SKAP2: variants seen among roughly 807,000 people sequenced by gnomAD.
The protein encoded by SKAP2 is src kinase-associated phosphoprotein 2.
A neutral mutation model predicts 54.9 loss-of-function variants in SKAP2; 28 were observed. That is an observed-to-expected ratio of 0.51 (90% confidence interval 0.38 to 0.70). SKAP2 has a LOEUF of 0.70. SKAP2 is among the 30% of genes least tolerant of loss of function. SKAP2 has a pLI of 0.00. For missense variants in SKAP2, 356 were observed against 424.1 expected (o/e 0.84, Z 1.41); for synonymous variants, 137 against 134.3 (o/e 1.02, Z -0.14).
At chr7:26,750,161 C>T (rs975740811) in intron 4 of SKAP2, among the ~76,000 whole-genome samples, 2 of 151,970 alleles carry the variant, frequency 1.3e-5, no homozygotes, top group African/African-American at 2.4e-5. Context: ...CTATAGAAAC[C>T]GTGTCAGACA....
intron 9 of SKAP2, 27 bp from the exon 10 acceptor site, chr7:26,690,389 A>G: frequency 2.0e-6 from 3 of 1,496,156 alleles, no homozygotes; most frequent in East Asian, 2.3e-5. Context: ...TCAATGGCAC[A>G]TTGAAGGGTT....
the SKAP2 span, among the ~76,000 whole-genome samples, chr7:26,654,976 T>C: frequency 6.6e-6 from 1 of 152,188 alleles, no homozygotes; most frequent in Non-Finnish European, 1.5e-5. Context: ...TCCCCAGGTG[T>C]ATCAGATGGC....
intron 4 of SKAP2, among the ~76,000 whole-genome samples, chr7:26,745,841 T>C (rs1401540054): frequency 4.6e-5 from 7 of 152,044 alleles, no homozygotes; most frequent in Admixed American, 4.6e-4. Context: ...AAAAAAAGTA[T>C]TTACCCACTT....
intron 4 of SKAP2, among the ~76,000 whole-genome samples, chr7:26,744,539 G>T (rs1211619821): frequency 6.6e-6 from 1 of 152,124 alleles, no homozygotes; most frequent in Non-Finnish European, 1.5e-5. Flanking sequence ...AGAGTTGGGG[G>T]AGAGAGAGAA....
the SKAP2 span, among the ~76,000 whole-genome samples, chr7:26,656,940 A>ATATTTAG: frequency 6.6e-6 from 1 of 152,204 alleles, no homozygotes; most frequent in Non-Finnish European, 1.5e-5. Flanking sequence ...AGAGTGAATA[A>ATATTTAG]TATTTAGATC....
intron 9 of SKAP2, among the ~76,000 whole-genome samples, chr7:26,709,855 T>C (rs1787258605): frequency 6.6e-6 from 1 of 152,158 alleles, no homozygotes; most frequent in African/African-American, 2.4e-5. Flanking sequence ...GTAGATGATT[T>C]ATCTTTAATG....
rs569745826 is a variant in SKAP2 at position 26,828,791 on chromosome 7, C to T, written c.307+15239G>A. On this transcript the variant is annotated intron_variant, in intron 4 of 12. Transcript: ENST00000345317. ...CCTGTAATCCCAGCACTTTAGGAGG[C>T]CGGGGTGGGCAGATCACCTGAGATC... is the stretch of plus-strand genomic sequence containing the variant. 1.8e-3 allele frequency among the ~76,000 whole-genome samples: 274 copies of T among 151,774 alleles called. 2 individuals are homozygous for T. The highest frequency in any genetic ancestry group is 5.9e-4 in the East Asian group (3 of 5,126).
At chr7:26,723,704 T>A (rs1038394858) in intron 9 of SKAP2, among the ~76,000 whole-genome samples, 2 of 151,566 alleles carry the variant, frequency 1.3e-5, no homozygotes, top group Non-Finnish European at 2.9e-5. Context: ...CCTGATCAAT[T>A]TTTTTTTTCT....
chr7:26,752,213 G>A (rs1281371108), intron 4 of SKAP2, among the ~76,000 whole-genome samples: 1 of 151,992 alleles, frequency 6.6e-6, no homozygotes, highest in Non-Finnish European at 1.5e-5. Flanking sequence ...TAAATTATAT[G>A]AGCCATTGCC....
intron 3 of SKAP2, among the ~76,000 whole-genome samples, chr7:26,845,900 C>T (rs1328817352): frequency 6.6e-6 from 1 of 152,084 alleles, no homozygotes. Flanking sequence ...CCACTGCATT[C>T]CAGCCTGGGC....
Position 26,670,111 on chromosome 7 carries a change from A to T in SKAP2, c.1069T>A (p.Tyr357Asn). 6.8e-7 allele frequency: 1 copy of T among 1,471,170 alleles called. No homozygotes were observed. The highest frequency in any genetic ancestry group is 9.5e-7 in the Non-Finnish European group (1 of 1,049,756). The allele number at this position is 1,471,170 out of a possible 1,614,324, so 91.1% of individuals were successfully genotyped here. A position where few individuals can be genotyped will look rare whatever the true frequency, so the allele number is the denominator to read the frequency against. The change falls in exon 12 of 13, where the codon TAT becomes AAT. Residue 357 changes from tyrosine to asparagine, a missense_variant. Transcript: ENST00000345317. ...LVPKAYIMEM[Y>N]DI ...CTTACCCAGGACTCTCAAATATCAT[A>T]CATCTCCATTATGTAGGCTTTAGGC...
chr7:26,855,983 T>A (rs1056318355), intron 1 of SKAP2, among the ~76,000 whole-genome samples: 3 of 152,130 alleles, frequency 2.0e-5, no homozygotes, highest in African/African-American at 7.2e-5. Flanking sequence ...CAAAGTAGTA[T>A]AATAATCTAA....
At chr7:26,703,483 TC>T (rs1022060768) in intron 9 of SKAP2, among the ~76,000 whole-genome samples, 2 of 152,184 alleles carry the variant, frequency 1.3e-5, no homozygotes, top group African/African-American at 4.8e-5. Flanking sequence ...CAGGAGTTAA[TC>T]CCATATATGC....
intron 9 of SKAP2, among the ~76,000 whole-genome samples, chr7:26,693,151 G>A (rs1361443629): frequency 2.0e-5 from 3 of 152,070 alleles, no homozygotes; most frequent in Admixed American, 2.0e-4. Flanking sequence ...GGCCAACATG[G>A]CAAAACCACG....
intron 10 of SKAP2, among the ~76,000 whole-genome samples, chr7:26,687,155 T>TC (rs1786664888): frequency 6.7e-6 from 1 of 149,670 alleles, no homozygotes; most frequent in Non-Finnish European, 1.5e-5. Flanking sequence ...GGGTCTCTCT[T>TC]CCCCTCGATA....
chr7:26,767,183 T>A (rs1184899234), intron 4 of SKAP2, among the ~76,000 whole-genome samples: 1 of 152,220 alleles, frequency 6.6e-6, no homozygotes, highest in Non-Finnish European at 1.5e-5. Context: ...GACTTCTTCC[T>A]GTTTCAGACT....
chr7:26,834,379 C>T (rs1057316372), intron 4 of SKAP2, among the ~76,000 whole-genome samples: 2 of 152,022 alleles, frequency 1.3e-5, no homozygotes, highest in African/African-American at 4.8e-5. Context: ...CACAAAAAAA[C>T]CCTTCAAAAA....
chr7:26,832,875 G>A (rs1328534737), intron 4 of SKAP2, among the ~76,000 whole-genome samples: 1 of 152,130 alleles, frequency 6.6e-6, no homozygotes, highest in Non-Finnish European at 1.5e-5. Flanking sequence ...ACAGGATGAT[G>A]AAGAACTCAT....
chr7:26,741,654 G>A (rs1782458789), intron 4 of SKAP2, among the ~76,000 whole-genome samples: 1 of 151,904 alleles, frequency 6.6e-6, no homozygotes, highest in South Asian at 2.1e-4. Flanking sequence ...TGAGGTGATG[G>A]ATACCTCATT....
Sources: allele counts gnomAD v4.1 joint callset (sites outside exome capture counted in the v4.1 genomes callset), GRCh38; gene constraint gnomAD v4.1.1; transcripts MANE v1.5; gene names NCBI Gene and HGNC (gene_info 2026-07-23, HGNC 2026-07-21).